ANK3: variants seen among roughly 807,000 people sequenced by gnomAD.
ANK3 encodes the protein ankyrin-3.
Under a neutral mutation model 370.9 loss-of-function variants are expected in ANK3, and 57 were observed. The observed-to-expected ratio is 0.15, with a 90% CI of 0.12 to 0.19. ANK3 has a LOEUF of 0.19. Among genes scored for constraint, ANK3 ranks in the 10% least tolerant of loss-of-function variants. ANK3 has a pLI of 1.00. For missense variants in ANK3, 4,439 were observed against 5,302.1 expected, an observed-to-expected ratio of 0.84 and a Z score of 5.06; for synonymous variants, 1,929 against 1,946.3, an observed-to-expected ratio of 0.99 and a Z score of 0.23.
intron 16 of ANK3, among the ~76,000 whole-genome samples, chr10:60,187,882 G>GC (rs747571714): frequency 3.3e-5 from 5 of 152,072 alleles, no homozygotes; most frequent in Non-Finnish European, 5.9e-5. Flanking sequence ...CCAGCAGCCA[G>GC]CATCTGTCAG....
At chr10:60,270,084 C>T in intron 5 of ANK3, 47 bp downstream of exon 5, 1 of 1,290,140 alleles carries the variant, frequency 7.8e-7, no homozygotes, top group East Asian at 2.6e-5. Flanking sequence ...TTTCAAAATG[C>T]CCTATAAATA....
chr10:60,501,790 A>G (rs2075806061), intron 2 of ANK3, among the ~76,000 whole-genome samples: 1 of 152,082 alleles, frequency 6.6e-6, no homozygotes, highest in South Asian at 2.1e-4. Context: ...CCTGGGTAAC[A>G]TAGTGAGACC....
At chr10:60,093,453 G>T (rs1398182965) in intron 28 of ANK3, among the ~76,000 whole-genome samples, 1 of 152,192 alleles carries the variant, frequency 6.6e-6, no homozygotes, top group African/African-American at 2.4e-5. Context: ...TGTGTATCCT[G>T]TGAGTATGAA....
intron 2 of ANK3, among the ~76,000 whole-genome samples, chr10:60,460,316 A>G (rs950153731): frequency 1.3e-5 from 2 of 152,218 alleles, no homozygotes; most frequent in Non-Finnish European, 2.9e-5. Context: ...CCAGAAAGGC[A>G]GTATTTAGGA....
intron 1 of ANK3, among the ~76,000 whole-genome samples, chr10:60,732,590 G>C (rs2080039152): frequency 6.6e-6 from 1 of 152,150 alleles, no homozygotes. Context: ...CCCTGGCACT[G>C]CCACGATAGC....
Position 60,677,490 on chromosome 10 carries a change from C to T in ANK3, c.57+55773G>A, listed in dbSNP as rs547091753. ...TGGTTTAGAGGCTGCAGAGATATAACTTTTTAAAAAAACTGATTTTAAGTA... is the reference window on the plus strand; with the variant it reads ...TGGTTTAGAGGCTGCAGAGATATAATTTTTTAAAAAAACTGATTTTAAGTA... On this transcript the variant is annotated intron_variant, in intron 1 of 43. Transcript: ENST00000373827. 2.6e-5 allele frequency among the ~76,000 whole-genome samples: 4 copies of T among 151,830 alleles called. No individual in the cohort carries two copies. The South Asian group carries it at 6.2e-4, about 24-fold the overall frequency.
At position 60,501,766 on chromosome 10, in the gene ANK3, C is replaced by CAGTT. The variant is rs369812005; in HGVS notation, c.96+113416_96+113419dup. On this transcript the variant is annotated intron_variant, in intron 2 of 43. Transcript: ENST00000373827. ...AAAACTTGTCCTTTAAAAGAGGACA[C>CAGTT]AGTTTGAGACCAGCCTGGGTAACAT... 5.6e-3 allele frequency among the ~76,000 whole-genome samples: 827 copies of CAGTT among 148,626 alleles called. 4 individuals carry two copies. Among genetic ancestry groups the CAGTT allele is most frequent in the South Asian group, 0.012 (57 of 4,646 alleles).
chr10:60,405,820 T>C (rs7909961), intron 2 of ANK3, among the ~76,000 whole-genome samples: 112,327 of 152,054 alleles, frequency 0.74, 41,783 homozygotes, highest in South Asian at 0.9. Flanking sequence ...TACAGCAAAA[T>C]GTTAATCGTA....
chr10:60,056,600 A>G (rs1242580670), intron 41 of ANK3, among the ~76,000 whole-genome samples: 1 of 152,176 alleles, frequency 6.6e-6, no homozygotes, highest in Non-Finnish European at 1.5e-5. Flanking sequence ...AACAAACTGC[A>G]GTTCTACAGC....
intron 1 of ANK3, among the ~76,000 whole-genome samples, chr10:60,347,123 G>A (rs1383603208): frequency 6.7e-6 from 1 of 149,400 alleles, no homozygotes; most frequent in African/African-American, 2.5e-5. Context: ...CTAGATACAT[G>A]TTTACTGAAT....
intron 2 of ANK3, among the ~76,000 whole-genome samples, chr10:60,415,493 C>A (rs1355491877): frequency 6.6e-6 from 1 of 152,146 alleles, no homozygotes; most frequent in African/African-American, 2.4e-5. Flanking sequence ...CAGAGTTAGC[C>A]ACCTGTGGGA....
At chr10:60,662,450 G>A (rs74155647) in intron 1 of ANK3, among the ~76,000 whole-genome samples, 1,699 of 152,172 alleles carry the variant, frequency 0.011, 25 homozygotes, top group African/African-American at 0.038. Flanking sequence ...ATAGCTATAT[G>A]ATCTCTAGAG....
At chr10:60,381,703 C>CT (rs2132834114) in intron 1 of ANK3, among the ~76,000 whole-genome samples, 1 of 152,264 alleles carries the variant, frequency 6.6e-6, no homozygotes, top group African/African-American at 2.4e-5. Context: ...TAAATACACT[C>CT]TTTTTATGCA....
At chr10:60,287,818 G>A (rs2040368751) in intron 1 of ANK3, among the ~76,000 whole-genome samples, 1 of 152,150 alleles carries the variant, frequency 6.6e-6, no homozygotes. Context: ...GAACCACTGA[G>A]ATCAAGGGTA....
intron 18 of ANK3, among the ~76,000 whole-genome samples, chr10:60,180,001 C>G (rs1011517487): frequency 6.6e-6 from 1 of 150,918 alleles, no homozygotes; most frequent in South Asian, 2.1e-4. Context: ...AAGTCTGTCT[C>G]TCTCTCTCTC....
intron 7 of ANK3, among the ~76,000 whole-genome samples, chr10:60,246,070 A>T (rs1182009251): frequency 6.6e-6 from 1 of 152,004 alleles, no homozygotes; most frequent in Admixed American, 6.5e-5. Context: ...AGCCTAGCCA[A>T]CATGGAGAAA....
chr10:60,261,763 T>C lies in ANK3; in HGVS notation c.798+96A>G, dbSNP rs146780947. ...TAGCCTTCACTGACTGGAAGGACTCTTGGAGAAAATTTGTCCCAACATCCT... is the reference window on the plus strand; with the variant it reads ...TAGCCTTCACTGACTGGAAGGACTCCTGGAGAAAATTTGTCCCAACATCCT... On this transcript the variant is annotated intron_variant, in intron 7 of 43. Transcript: ENST00000280772. 33 of 1,052,042 alleles carry C rather than the reference T, an allele frequency of 3.1e-5. No homozygotes were observed. The African/African-American group carries it at 4.1e-4, about 13-fold the overall frequency. The allele number at this position is 1,052,042 out of a possible 1,614,324, so 65.2% of individuals were successfully genotyped here.
chr10:60,084,866 G>T, intron 31 of ANK3, 36 bp from the exon 32 acceptor site: 1 of 1,451,724 alleles, frequency 6.9e-7, no homozygotes, highest in Non-Finnish European at 9.2e-7. Flanking sequence ...TGAAAATGTG[G>T]CTATTTAAAA....
intron 1 of ANK3, among the ~76,000 whole-genome samples, chr10:60,727,644 C>T (rs1165503570): frequency 6.6e-6 from 1 of 152,146 alleles, no homozygotes; most frequent in Non-Finnish European, 1.5e-5. Context: ...CTTAACTTGA[C>T]ATCCTTAGAA....
Sources: gnomAD v4.1 joint callset for allele counts (sites outside exome capture counted in the v4.1 genomes callset) on GRCh38, gnomAD v4.1.1 for gene constraint, MANE v1.5 for transcripts, NCBI Gene and HGNC (gene_info 2026-07-23, HGNC 2026-07-21) for gene names.